The following LINGO2 variants were observed in gnomAD, a reference collection of about 807,000 sequenced individuals.
The protein encoded by LINGO2 is leucine rich repeat and Ig domain containing 2.
Under a neutral mutation model 30.6 loss-of-function variants are expected in LINGO2, and 14 were observed. The observed-to-expected ratio is 0.46, with a 90% CI of 0.30 to 0.72. The LOEUF (loss-of-function observed/expected upper bound fraction) is 0.72. LINGO2 is among the 30% of genes least tolerant of loss of function. LINGO2 has a pLI of 0.07. For synonymous variants in LINGO2, 317 were observed against 288.5 expected, an observed-to-expected ratio of 1.10 and a Z score of -1.00; for missense variants, 729 against 751.7, an observed-to-expected ratio of 0.97 and a Z score of 0.35.
chr9:28,060,057 A>C (rs1489800381), intron 4 of LINGO2, among the ~76,000 whole-genome samples: 1 of 151,864 alleles, frequency 6.6e-6, no homozygotes, highest in Non-Finnish European at 1.5e-5. Flanking sequence ...AAATGGTTTT[A>C]ATAATAATCA....
intron 5 of LINGO2, among the ~76,000 whole-genome samples, chr9:27,991,525 G>C (rs915902161): frequency 2.0e-5 from 3 of 152,056 alleles, no homozygotes; most frequent in African/African-American, 7.2e-5. Flanking sequence ...GCAGATGCTA[G>C]GCGTCAAGGC....
At chr9:27,966,110 C>A (rs867716971) in intron 5 of LINGO2, among the ~76,000 whole-genome samples, 4 of 151,964 alleles carry the variant, frequency 2.6e-5, no homozygotes, top group Non-Finnish European at 5.9e-5. Context: ...AAATGTTGCT[C>A]ATTGTATGAC....
the LINGO2 span, among the ~76,000 whole-genome samples, chr9:28,956,789 A>C: frequency 0.71 from 89,992 of 127,162 alleles, 32,054 homozygotes; most frequent in Non-Finnish European, 0.78. Flanking sequence ...TCTTGCCTTT[A>C]TTCCTCTTCT....
intron 4 of LINGO2, among the ~76,000 whole-genome samples, chr9:28,121,159 A>T (rs1349553129): frequency 2.6e-5 from 4 of 152,206 alleles, no homozygotes; most frequent in African/African-American, 4.8e-5. Context: ...CTAGAAAGAA[A>T]TAAGAATAAA....
chr9:28,932,172 C>G, the LINGO2 span, among the ~76,000 whole-genome samples: 124,904 of 145,966 alleles, frequency 0.86, 53,727 homozygotes, highest in Non-Finnish European at 0.89. Context: ...TGGCGGGGGC[C>G]GGGGGGGATC....
the LINGO2 span, among the ~76,000 whole-genome samples, chr9:29,063,447 G>A: frequency 1.3e-5 from 2 of 150,484 alleles, no homozygotes; most frequent in African/African-American, 2.5e-5. Context: ...TTGTCACCCA[G>A]GCTGGAGTGC....
At position 28,149,010 on chromosome 9, in the gene LINGO2, T is replaced by C; in HGVS notation, c.-86-136605A>G. The C allele has an allele frequency of 2.6e-6, 4 of 1,534,276 alleles. No individual in the cohort carries two copies. The South Asian group carries it at 4.8e-5, about 18-fold the overall frequency. ...CTGCAACCGACCCCTCCCCTGCAAC[T>C]GAGGTGGGATAGAGACGAGGGGCCC... On this transcript the variant is annotated intron_variant, in intron 4 of 5. Transcript: ENST00000379992.
At chr9:28,347,929 A>T (rs1819657287) in intron 3 of LINGO2, among the ~76,000 whole-genome samples, 1 of 152,206 alleles carries the variant, frequency 6.6e-6, no homozygotes, top group Admixed American at 6.5e-5. Flanking sequence ...TGAGATAATT[A>T]GTATTATCAT....
intron 5 of LINGO2, among the ~76,000 whole-genome samples, chr9:27,959,604 T>G (rs1010067637): frequency 5.9e-5 from 9 of 152,164 alleles, no homozygotes; most frequent in African/African-American, 1.9e-4. Context: ...AATATATCAT[T>G]TCTAATTTAA....
the LINGO2 span, among the ~76,000 whole-genome samples, chr9:29,018,457 C>A: frequency 0.71 from 107,920 of 151,798 alleles, 38,913 homozygotes; most frequent in Non-Finnish European, 0.76. Context: ...ATCCTTAATA[C>A]AATTTGAAAT....
chr9:29,074,839 C>CT, the LINGO2 span, among the ~76,000 whole-genome samples: 981 of 146,548 alleles, frequency 6.7e-3, 8 homozygotes, highest in African/African-American at 0.021. Context: ...AGCTAATTTG[C>CT]TTTTTTTTTT....
chr9:28,682,042 A>C, the LINGO2 span, among the ~76,000 whole-genome samples: 1 of 152,160 alleles, frequency 6.6e-6, no homozygotes, highest in Non-Finnish European at 1.5e-5. Context: ...CAGATCCTAC[A>C]TAGTAAGTGT....
At chr9:29,004,024 T>C in the LINGO2 span, among the ~76,000 whole-genome samples, 1 of 152,026 alleles carries the variant, frequency 6.6e-6, no homozygotes, top group East Asian at 1.9e-4. Context: ...TCTAAAAATG[T>C]CTTAGCCTCA....
chr9:28,104,091 C>G (rs1261915923), intron 4 of LINGO2, among the ~76,000 whole-genome samples: 1 of 151,890 alleles, frequency 6.6e-6, no homozygotes, highest in Non-Finnish European at 1.5e-5. Flanking sequence ...ACACAAAAAG[C>G]ATCCAGCACA....
the LINGO2 span, among the ~76,000 whole-genome samples, chr9:28,781,514 A>G: frequency 6.6e-6 from 1 of 152,144 alleles, no homozygotes; most frequent in Non-Finnish European, 1.5e-5. Context: ...AATTGGCACT[A>G]TTTCCTGCTT....
At chr9:28,581,968 G>T (rs947507765) in intron 1 of LINGO2, among the ~76,000 whole-genome samples, 1 of 151,808 alleles carries the variant, frequency 6.6e-6, no homozygotes, top group East Asian at 1.9e-4. Context: ...ATAAACACAT[G>T]AACATTATCT....
the LINGO2 span, among the ~76,000 whole-genome samples, chr9:29,098,462 CACAT>C: frequency 1.3e-5 from 2 of 148,814 alleles, no homozygotes; most frequent in Non-Finnish European, 3.0e-5. Context: ...CACACACACA[CACAT>C]ATGCGCACAC....
At chr9:27,998,491 A>G (rs531465039) in intron 5 of LINGO2, among the ~76,000 whole-genome samples, 1 of 152,242 alleles carries the variant, frequency 6.6e-6, no homozygotes, top group East Asian at 1.9e-4. Flanking sequence ...ATATATAAGA[A>G]TTTGAGGCCT....
chr9:28,787,071 T>A, the LINGO2 span, among the ~76,000 whole-genome samples: 1 of 152,310 alleles, frequency 6.6e-6, no homozygotes, highest in Admixed American at 6.5e-5. Flanking sequence ...AATGTACTTT[T>A]GCTTAATCAC....
Sources: gnomAD v4.1 joint callset for allele counts (sites outside exome capture counted in the v4.1 genomes callset) on GRCh38, gnomAD v4.1.1 for gene constraint, MANE v1.5 for transcripts, NCBI Gene and HGNC (gene_info 2026-07-23, HGNC 2026-07-21) for gene names.